The following ASIC2 variants were observed in gnomAD, a reference collection of about 807,000 sequenced individuals.
The protein encoded by ASIC2 is acid-sensing ion channel 2.
Under a neutral mutation model 57.3 loss-of-function variants are expected in ASIC2, and 25 were observed. That is an observed-to-expected ratio of 0.44 (90% CI 0.32 to 0.61). The LOEUF is 0.61. Among genes scored for constraint, ASIC2 ranks in the 20% least tolerant of loss-of-function variants. ASIC2 has a pLI of 0.06. For missense variants in ASIC2, 641 were observed against 738.1 expected, an observed-to-expected ratio of 0.87 and a Z score of 1.52; for synonymous variants, 319 against 307.5, an observed-to-expected ratio of 1.04 and a Z score of -0.39.
intron 1 of ASIC2, among the ~76,000 whole-genome samples, chr17:33,188,969 T>C (rs1217332688): frequency 2.6e-5 from 4 of 152,192 alleles, no homozygotes; most frequent in Non-Finnish European, 4.4e-5. Context: ...ATAGCATATG[T>C]AGAAGAAAAA....
At chr17:33,017,775 G>A in intron 7 of ASIC2, 91 bp from the exon 8 acceptor site, 1 of 1,229,458 alleles carries the variant, frequency 8.1e-7, no homozygotes, top group Non-Finnish European at 1.2e-6. Flanking sequence ...CCTTCTGAAT[G>A]GCGCCCCCTC....
chr17:33,827,899 A>G (rs8072384), intron 1 of ASIC2: 123,205 of 151,756 alleles, frequency 0.81, 50,373 homozygotes, highest in African/African-American at 0.85. Flanking sequence ...GACAGGCCCC[A>G]GTGTGTGATG....
rs558657532 is a variant in ASIC2 at position 33,320,072 on chromosome 17, G to A, written c.556-208005C>T. Reference sequence around the variant, plus strand: ...ATGAGTCTAATAAGGAGCTCGTGGAGCAGTAAAAAGCAGGAGTTAATAGAA... The same window carrying A: ...ATGAGTCTAATAAGGAGCTCGTGGAACAGTAAAAAGCAGGAGTTAATAGAA... On this transcript the variant is annotated intron_variant, in intron 1 of 9. Coordinates refer to the ASIC2 transcript ENST00000359872. Among the ~76,000 whole-genome samples the A allele has an allele frequency of 5.9e-5, 9 of 152,222 alleles. No individual in the cohort carries two copies. In the South Asian group the frequency reaches 1.9e-3, roughly 32 times the overall value.
At chr17:33,600,534 G>A (rs1033659047) in intron 1 of ASIC2, among the ~76,000 whole-genome samples, 5 of 152,242 alleles carry the variant, frequency 3.3e-5, no homozygotes, top group African/African-American at 1.2e-4. Context: ...GTAATGGGTA[G>A]AGGTTGGCAG....
At chr17:33,425,758 A>G (rs1416028302) in intron 1 of ASIC2, among the ~76,000 whole-genome samples, 1 of 152,130 alleles carries the variant, frequency 6.6e-6, no homozygotes, top group Non-Finnish European at 1.5e-5. Flanking sequence ...TTGCGTGGCT[A>G]TTAGGGATGA....
At chr17:33,683,677 A>C (rs1484103387) in intron 1 of ASIC2, among the ~76,000 whole-genome samples, 6 of 152,146 alleles carry the variant, frequency 3.9e-5, no homozygotes, top group African/African-American at 1.4e-4. Flanking sequence ...AAGTAGTTGG[A>C]AATACAGGTG....
Position 33,015,984 on chromosome 17 carries a change from T to G in ASIC2, c.1577A>C (p.His526Pro), listed in dbSNP as rs1446238231. 6.2e-7 allele frequency: 1 copy of G among 1,614,010 alleles called. No homozygotes were observed. The highest frequency in any genetic ancestry group is 8.5e-7 in the Non-Finnish European group (1 of 1,179,996). ...AGCTGCTCTTACCACATTCTCATCGTGGCTCCCTTCGTCCTCCTCTTTGCC... is the reference window on the plus strand; with the variant it reads ...AGCTGCTCTTACCACATTCTCATCGGGGCTCCCTTCGTCCTCCTCTTTGCC... ...LLGKEEDEGS[H>P]DENVSTCDTM... The change falls in exon 9 of 10, where the codon CAC becomes CCC. Residue 526 changes from histidine to proline, a missense_variant. By Grantham distance (77) the His-to-Pro change is moderately conservative. Transcript: ENST00000225823.
rs1276981467 is a variant in ASIC2 at position 33,023,912 on chromosome 17, G to A, written c.1298C>T (p.Thr433Ile). 1.2e-6 allele frequency: 2 copies of A among 1,614,124 alleles called. No individual in the cohort carries two copies. The highest frequency in any genetic ancestry group is 2.7e-5 in the African/African-American group (2 of 74,932). ...TTTCTTCTCAAGGTACTTGGCTGAT[G>A]TCTTGCTGGGGATCTTCACCATGGA... ...ELSMVKIPSK[T>I]SAKYLEKKFN... The change falls in exon 6 of 10, where the codon ACA becomes ATA. Residue 433 changes from threonine (T) to isoleucine (I), a missense_variant. Coordinates refer to ENST00000225823, the MANE Select transcript of ASIC2 (RefSeq NM_183377.2).
intron 1 of ASIC2, among the ~76,000 whole-genome samples, chr17:33,873,327 T>TA (rs1225200504): frequency 6.6e-6 from 1 of 152,172 alleles, no homozygotes. Flanking sequence ...CAGAGAGTGA[T>TA]AAGTGCTTAG....
chr17:34,029,902 T>G (rs188753896), intron 1 of ASIC2, among the ~76,000 whole-genome samples: 1 of 152,156 alleles, frequency 6.6e-6, no homozygotes, highest in African/African-American at 2.4e-5. Context: ...CCTGGCAGAT[T>G]TGATCACCCC....
chr17:33,235,950 C>T (rs1908280072), intron 1 of ASIC2, among the ~76,000 whole-genome samples: 1 of 152,100 alleles, frequency 6.6e-6, no homozygotes, highest in Non-Finnish European at 1.5e-5. Flanking sequence ...GATTCTCCTG[C>T]CTCAGCCTCC....
In ASIC2 at chr17:33,075,257, C is replaced by T. The variant is rs145863798; in HGVS notation, c.987+13606G>A. Among the ~76,000 whole-genome samples, 610 of 152,286 alleles carry T rather than the reference C, an allele frequency of 4.0e-3. 2 individuals are homozygous for T. The highest frequency in any genetic ancestry group is 0.014 in the African/African-American group (583 of 41,542). ...TCTCATTCTCTCTTGTCTGCCGCCA[C>T]GTAAGACATGCCTTTTACCTTCTGT... On this transcript the variant is annotated intron_variant, in intron 3 of 9. Coordinates refer to ENST00000225823, the MANE Select transcript of ASIC2 (RefSeq NM_183377.2).
intron 1 of ASIC2, among the ~76,000 whole-genome samples, chr17:34,153,148 C>T (rs1441793655): frequency 6.6e-6 from 1 of 152,144 alleles, no homozygotes; most frequent in East Asian, 1.9e-4. Flanking sequence ...CAGCTAAGAG[C>T]TTGGAATAAG....
At chr17:33,856,002 G>T (rs1348036723) in intron 1 of ASIC2, among the ~76,000 whole-genome samples, 1 of 152,088 alleles carries the variant, frequency 6.6e-6, no homozygotes, top group Non-Finnish European at 1.5e-5. Flanking sequence ...GAAAAGAAAA[G>T]GAGCAAGGAA....
rs200322121 is a variant in ASIC2, at chr17:33,523,759, C to G, written c.556-411692G>C. The stretch of plus-strand genomic sequence containing the variant: ...CTGTCTCTGTGCTTGGAAAGGCCCT[C>G]TGTGCTCACTCTACCAACTAGTCAT... On this transcript the variant is annotated intron_variant, in intron 1 of 9. Coordinates refer to the ASIC2 transcript ENST00000359872. Among the ~76,000 whole-genome samples, 5 of 152,178 alleles carry G rather than the reference C, an allele frequency of 3.3e-5. No homozygotes were observed. In the East Asian group the frequency reaches 9.7e-4, roughly 29 times the overall value.
chr17:33,306,845 A>C (rs1185206576), intron 1 of ASIC2, among the ~76,000 whole-genome samples: 1 of 152,154 alleles, frequency 6.6e-6, no homozygotes, highest in East Asian at 1.9e-4. Flanking sequence ...GCTGTGTCAC[A>C]CAGTGTGTTA....
chr17:33,294,620 A>AAC (rs140511216), upstream of ASIC2, among the ~76,000 whole-genome samples: 195 of 151,396 alleles, frequency 1.3e-3, no homozygotes, highest in African/African-American at 4.2e-3. Context: ...CATATACACA[A>AAC]ACACACACAC....
At chr17:33,715,784 G>A (rs989832174) in intron 1 of ASIC2, among the ~76,000 whole-genome samples, 6 of 152,086 alleles carry the variant, frequency 3.9e-5, no homozygotes, top group African/African-American at 1.4e-4. Flanking sequence ...AGTCAAAATG[G>A]CCATGTCCAA....
intron 1 of ASIC2, among the ~76,000 whole-genome samples, chr17:33,140,657 C>T (rs1433594475): frequency 6.6e-6 from 1 of 152,224 alleles, no homozygotes. Context: ...TGTGTTTGGA[C>T]TGAAACCCAC....
Sources: gnomAD v4.1 joint callset for allele counts (sites outside exome capture counted in the v4.1 genomes callset) on GRCh38, gnomAD v4.1.1 for gene constraint, MANE v1.5 for transcripts, NCBI Gene and HGNC (gene_info 2026-07-23, HGNC 2026-07-21) for gene names.